The following ZC3H12C variants were observed in gnomAD, a reference collection of about 807,000 sequenced individuals.
ZC3H12C encodes probable ribonuclease ZC3H12C.
ZC3H12C carries 20 observed loss-of-function variants against 76.3 expected under a neutral mutation model. That is an observed-to-expected ratio of 0.26 (90% CI 0.18 to 0.38). ZC3H12C has a LOEUF of 0.38. Among genes scored for constraint, ZC3H12C ranks in the 10% least tolerant of loss-of-function variants. ZC3H12C has a pLI of 1.00. For missense variants in ZC3H12C, 874 were observed against 1,086.5 expected (o/e 0.80, Z 2.75); for synonymous variants, 352 against 399.6 (o/e 0.88, Z 1.42).
chr11:110,128,786 G>A (rs1227669270), intron 1 of ZC3H12C, among the ~76,000 whole-genome samples: 2 of 145,612 alleles, frequency 1.4e-5, no homozygotes, highest in Non-Finnish European at 3.0e-5. Context: ...TTTACCAGAA[G>A]AATTACATTT....
chr11:110,115,648 T>A (rs1861512555), intron 1 of ZC3H12C, among the ~76,000 whole-genome samples: 1 of 151,852 alleles, frequency 6.6e-6, no homozygotes, highest in Non-Finnish European at 1.5e-5. Context: ...TTGCCTAGGC[T>A]GGTCTTGAAC....
chr11:110,164,360 A>G lies in ZC3H12C; in HGVS notation c.1275A>G (p.Gly425=). 1 of 1,612,058 alleles carries G rather than the reference A, an allele frequency of 6.2e-7. No homozygotes were observed. Among genetic ancestry groups the G allele is most frequent in the Non-Finnish European group, 8.5e-7 (1 of 1,179,154 alleles). ...TCTTAGGAAAGAAGTGTACCTATGG[A>G]CACAAGTGCAAATATTACCATCCCG... is the stretch of plus-strand genomic sequence containing the variant. ...PCPYGKKCTY[G]HKCKYYHPER... Residue 425 remains glycine, a synonymous_variant, in exon 6 of 6, where the codon GGA becomes GGG. Transcript: ENST00000278590. The surrounding 1 kb of genome is among the most constrained non-coding windows in gnomAD (Gnocchi z 5.7).
At chr11:110,098,642 C>G (rs1861158144) in intron 1 of ZC3H12C, among the ~76,000 whole-genome samples, 1 of 152,162 alleles carries the variant, frequency 6.6e-6, no homozygotes, top group Non-Finnish European at 1.5e-5. Flanking sequence ...TTTACTCTAC[C>G]TTTTCTATGC....
At chr11:110,159,019 A>G (rs890082919) in intron 3 of ZC3H12C, among the ~76,000 whole-genome samples, 4 of 132,444 alleles carry the variant, frequency 3.0e-5, no homozygotes, top group African/African-American at 7.9e-5. Flanking sequence ...TCATGGTTCA[A>G]TTTTATACTG....
intron 1 of ZC3H12C, among the ~76,000 whole-genome samples, chr11:110,093,655 C>T (rs1861054287): frequency 6.6e-6 from 1 of 152,008 alleles, no homozygotes; most frequent in Non-Finnish European, 1.5e-5. Context: ...AAGCCCAGCG[C>T]ATCCTCCCCT....
intron 1 of ZC3H12C, among the ~76,000 whole-genome samples, chr11:110,098,997 C>T (rs1463103263): frequency 6.6e-6 from 1 of 152,178 alleles, no homozygotes; most frequent in Non-Finnish European, 1.5e-5. Context: ...AAGGATACAT[C>T]TTTTTCCTGT....
At chr11:110,135,529 A>T (rs1412763605) in intron 1 of ZC3H12C, among the ~76,000 whole-genome samples, 3 of 148,976 alleles carry the variant, frequency 2.0e-5, no homozygotes, top group East Asian at 2.0e-4. Context: ...CTTGATGTGG[A>T]TATAGTTCTT....
chr11:110,145,656 T>A (rs991028482), intron 2 of ZC3H12C, among the ~76,000 whole-genome samples: 1 of 151,992 alleles, frequency 6.6e-6, no homozygotes, highest in Non-Finnish European at 1.5e-5. Flanking sequence ...TCCTATGTGG[T>A]ATTTTAGCTG....
intron 1 of ZC3H12C, among the ~76,000 whole-genome samples, chr11:110,114,756 G>A (rs998222550): frequency 7.9e-5 from 12 of 152,096 alleles, no homozygotes; most frequent in African/African-American, 2.9e-4. Context: ...TAAGTTATAT[G>A]TCTAAATTAT....
chr11:110,119,611 C>A (rs957909820), intron 1 of ZC3H12C, among the ~76,000 whole-genome samples: 1 of 152,112 alleles, frequency 6.6e-6, no homozygotes, highest in African/African-American at 2.4e-5. Flanking sequence ...TGTCTTCATC[C>A]GTTCCTGCTG....
intron 1 of ZC3H12C, among the ~76,000 whole-genome samples, chr11:110,094,866 G>A (rs1024033485): frequency 2.0e-5 from 3 of 152,132 alleles, no homozygotes; most frequent in African/African-American, 7.2e-5. Flanking sequence ...AGTTCAAAAT[G>A]TTTTAATATT....
At chr11:110,109,739 T>C (rs890196751) in intron 1 of ZC3H12C, among the ~76,000 whole-genome samples, 6 of 152,200 alleles carry the variant, frequency 3.9e-5, no homozygotes, top group Non-Finnish European at 7.3e-5. Context: ...TGACTGTCAG[T>C]TTGGCCATAT....
In ZC3H12C at chr11:110,164,815, A is replaced by G. The variant is rs763888336; in HGVS notation, c.1730A>G (p.Gln577Arg). The G allele has an allele frequency of 1.2e-6, 2 of 1,614,038 alleles. No homozygotes were observed. Among genetic ancestry groups the G allele is most frequent in the Non-Finnish European group, 8.5e-7 (1 of 1,179,898 alleles). The change falls in exon 6 of 6, where the codon CAG (glutamine) becomes CGG (arginine). Residue 577 changes from glutamine (Q) to arginine (R), a missense_variant. Around this residue, in one of 3 missense-constraint regions of ZC3H12C, gnomAD observed 395 missense variants for 434.4 expected, o/e 0.91. Coordinates refer to ENST00000278590, the MANE Select transcript of ZC3H12C (RefSeq NM_033390.2). The surrounding 1 kb of genome is among the most constrained non-coding windows in gnomAD (Gnocchi z 5.7). ...KNHGTPMPYEQYPKCDSPVDI... is the reference protein window; with the variant it reads ...KNHGTPMPYERYPKCDSPVDI... ...CATGGAACGCCAATGCCTTATGAAC[A>G]GTATCCAAAATGTGACTCACCTGTC... is the stretch of plus-strand genomic sequence containing the variant.
At chr11:110,112,765 G>A (rs540879595) in intron 1 of ZC3H12C, among the ~76,000 whole-genome samples, 1 of 152,190 alleles carries the variant, frequency 6.6e-6, no homozygotes, top group Non-Finnish European at 1.5e-5. Flanking sequence ...AGAGTTGAGA[G>A]TGGTTGGTTT....
intron 1 of ZC3H12C, among the ~76,000 whole-genome samples, chr11:110,104,141 C>T (rs1861274480): frequency 2.6e-5 from 4 of 151,920 alleles, no homozygotes; most frequent in African/African-American, 9.7e-5. Context: ...CAGATGTTCC[C>T]AGCACAATTT....
At chr11:110,149,780 C>T (rs1862237496) in intron 2 of ZC3H12C, among the ~76,000 whole-genome samples, 1 of 152,138 alleles carries the variant, frequency 6.6e-6, no homozygotes, top group Non-Finnish European at 1.5e-5. Flanking sequence ...TGAGTACTAA[C>T]CTTCTGATTG....
intron 1 of ZC3H12C, among the ~76,000 whole-genome samples, chr11:110,111,540 CTT>C (rs879491780): frequency 1.5e-5 from 1 of 67,220 alleles, no homozygotes. Context: ...TCCCCAGTAG[CTT>C]TTTTTTTTTT....
At chr11:110,161,037 T>G (rs1226987945) in intron 4 of ZC3H12C, among the ~76,000 whole-genome samples, 2 of 151,376 alleles carry the variant, frequency 1.3e-5, no homozygotes, top group Non-Finnish European at 1.5e-5. Flanking sequence ...AGAGACGAGG[T>G]TTCACCATGT....
intron 2 of ZC3H12C, among the ~76,000 whole-genome samples, chr11:110,149,448 G>T (rs966644867): frequency 2.8e-4 from 43 of 152,268 alleles, no homozygotes; most frequent in African/African-American, 8.4e-4. Context: ...TTTAGAGAAA[G>T]TACGCCTTCC....
Sources: allele counts gnomAD v4.1 joint callset (sites outside exome capture counted in the v4.1 genomes callset), GRCh38; gene constraint gnomAD v4.1.1; regional missense constraint gnomAD v4.1.1; non-coding constraint Gnocchi (gnomAD v3.1); transcripts MANE v1.5; gene names NCBI Gene and HGNC (gene_info 2026-07-23, HGNC 2026-07-21).